NUDT2: variants seen among roughly 807,000 people sequenced by gnomAD.
The protein encoded by NUDT2 is nudix hydrolase 2.
A neutral mutation model predicts 14.2 loss-of-function variants in NUDT2; 12 were observed. The observed-to-expected ratio is 0.84, with a 90% CI of 0.54 to 1.37. The LOEUF is 1.37. Among genes scored for constraint, NUDT2 ranks in the 40% most tolerant of loss-of-function variants. The probability of loss-of-function intolerance (pLI) is 0.00; values close to 1 mark genes in which losing one functional copy is unlikely to be tolerated. For synonymous variants in NUDT2, 67 were observed against 67.4 expected (o/e 0.99, Z 0.03); for missense variants, 167 against 176.7 (o/e 0.95, Z 0.31).
intron 2 of NUDT2, among the ~76,000 whole-genome samples, chr9:34,337,713 G>A (rs1838124519): frequency 6.6e-6 from 1 of 152,194 alleles, no homozygotes; most frequent in Non-Finnish European, 1.5e-5. Context: ...CAAAGGGACT[G>A]TGGAGGATAG....
chr9:34,331,964 T>G (rs923064441), intron 1 of NUDT2, among the ~76,000 whole-genome samples: 2 of 152,230 alleles, frequency 1.3e-5, no homozygotes, highest in African/African-American at 4.8e-5. Context: ...TCTCTCAGAT[T>G]CATCCCTTCC....
At chr9:34,339,280 G>C in intron 4 of NUDT2, 114 bp downstream of exon 4, 1 of 1,310,350 alleles carries the variant, frequency 7.6e-7, no homozygotes, top group South Asian at 1.4e-5. Flanking sequence ...AAAAGGGGTA[G>C]GGAAGGTAGG....
At chr9:34,339,232 G>A in intron 4 of NUDT2, 66 bp downstream of exon 4, 1 of 1,579,718 alleles carries the variant, frequency 6.3e-7, no homozygotes. Flanking sequence ...ACCCTGCCAG[G>A]CCCTCCCCAA....
At chr9:34,341,088 A>G (rs770401930) in intron 4 of NUDT2, among the ~76,000 whole-genome samples, 1 of 152,230 alleles carries the variant, frequency 6.6e-6, no homozygotes, top group Admixed American at 6.5e-5. Flanking sequence ...TTTGAGTTGT[A>G]CTGGGGAGAA....
At chr9:34,339,301 C>A in intron 4 of NUDT2, 135 bp downstream of exon 4, 1 of 1,039,792 alleles carries the variant, frequency 9.6e-7, no homozygotes, top group Non-Finnish European at 1.4e-6. Flanking sequence ...AGCTCTTGAC[C>A]CTTTCTACAT....
At chr9:34,336,749 G>A (rs573628900) in intron 2 of NUDT2, among the ~76,000 whole-genome samples, 3 of 152,008 alleles carry the variant, frequency 2.0e-5, no homozygotes, top group Admixed American at 2.0e-4. Context: ...TCACTGTGTT[G>A]TCCGGACTGG....
chr9:34,335,285 T>A lies in NUDT2; in HGVS notation c.-264-944T>A, dbSNP rs965746617. ...CAGTTTGTCTTTGTTCTCTTCCACCTCACATCCAGTTTTCTTCCCAACTGC... is the reference window on the plus strand; with the variant it reads ...CAGTTTGTCTTTGTTCTCTTCCACCACACATCCAGTTTTCTTCCCAACTGC... On this transcript the variant is annotated intron_variant, in intron 1 of 4. Transcript: ENST00000379158. 2.0e-5 allele frequency among the ~76,000 whole-genome samples: 3 copies of A among 152,222 alleles called. No individual in the cohort carries two copies. In the East Asian group the frequency reaches 5.8e-4, roughly 29 times the overall value.
chr9:34,343,483 G>T lies in NUDT2; in HGVS notation c.*43G>T. On this transcript the variant is annotated 3_prime_UTR_variant, in exon 5 of 5. Coordinates refer to ENST00000379158, the MANE Select transcript of NUDT2 (RefSeq NM_001161.5). ...CATTTGCTTCAGCAGGATCCTTGTG[G>T]GCCTTCTAAGATGAAGCCACCCTCA... 6.7e-7 allele frequency: 1 copy of T among 1,492,948 alleles called. No individual in the cohort carries two copies. The allele number at this position is 1,492,948 out of a possible 1,614,324, so 92.5% of individuals were successfully genotyped here.
chr9:34,337,725 A>C (rs72733128), intron 2 of NUDT2, among the ~76,000 whole-genome samples: 18,671 of 152,188 alleles, frequency 0.12, 1,497 homozygotes, highest in Non-Finnish European at 0.18. Context: ...GGAGGATAGC[A>C]GCTCCTGCTC....
chr9:34,336,155 T>A lies in NUDT2; in HGVS notation c.-264-74T>A, dbSNP rs189040923. ...CTAAGCTTATTTAGGGGTTCTAACA[T>A]TCCATGGGACCTGAGGCAGGAGCAA... On this transcript the variant is annotated intron_variant, in intron 1 of 4. Coordinates refer to ENST00000379158, the MANE Select transcript of NUDT2 (RefSeq NM_001161.5). 6 of 152,278 alleles carry A rather than the reference T, an allele frequency of 3.9e-5. No homozygotes were observed. In the East Asian group the frequency reaches 1.2e-3, roughly 29 times the overall value. The allele number at this position is 152,278 out of a possible 1,614,324, so 9.4% of individuals were successfully genotyped here. A position where few individuals can be genotyped will look rare whatever the true frequency, so the allele number is the denominator to read the frequency against.
At chr9:34,331,218 G>C (rs1195560029) in intron 1 of NUDT2, among the ~76,000 whole-genome samples, 1 of 152,186 alleles carries the variant, frequency 6.6e-6, no homozygotes, top group East Asian at 1.9e-4. Context: ...GTGTTGAGCA[G>C]TTTAACAGAC....
intron 4 of NUDT2, among the ~76,000 whole-genome samples, chr9:34,339,837 A>G (rs1838188530): frequency 6.6e-6 from 1 of 152,006 alleles, no homozygotes; most frequent in Non-Finnish European, 1.5e-5. Flanking sequence ...AGCCTGTCTC[A>G]AAAAAAAGAA....
At chr9:34,342,854 CAAAT>C (rs773863442) in intron 4 of NUDT2, among the ~76,000 whole-genome samples, 11 of 151,604 alleles carry the variant, frequency 7.3e-5, no homozygotes, top group East Asian at 5.8e-4. Flanking sequence ...CCATCTTTAC[CAAAT>C]AAATAAATAA....
chr9:34,331,920 G>T (rs2131851652), intron 1 of NUDT2, among the ~76,000 whole-genome samples: 1 of 152,262 alleles, frequency 6.6e-6, no homozygotes, highest in African/African-American at 2.4e-5. Flanking sequence ...CTTAGACAAT[G>T]AAATATCACT....
intron 2 of NUDT2, among the ~76,000 whole-genome samples, chr9:34,337,916 C>T (rs1308498537): frequency 2.0e-5 from 3 of 151,922 alleles, no homozygotes; most frequent in Non-Finnish European, 2.9e-5. Context: ...CGGCTCACCA[C>T]AACCGTAACC....
chr9:34,337,073 C>T (rs975757230), intron 2 of NUDT2, among the ~76,000 whole-genome samples: 3 of 147,620 alleles, frequency 2.0e-5, no homozygotes, highest in African/African-American at 7.5e-5. Flanking sequence ...CGTCTCGGCT[C>T]ACCACAACCT....
chr9:34,331,086 G>A (rs1326519689), intron 1 of NUDT2, among the ~76,000 whole-genome samples: 2 of 152,302 alleles, frequency 1.3e-5, no homozygotes, highest in Admixed American at 6.5e-5. Flanking sequence ...GGGAAAAAAG[G>A]TAATTCTTAC....
intron 4 of NUDT2, among the ~76,000 whole-genome samples, chr9:34,341,779 G>T (rs1820191919): frequency 6.6e-6 from 1 of 152,170 alleles, no homozygotes; most frequent in Non-Finnish European, 1.5e-5. Context: ...CAGAGTGTTG[G>T]GATTACAGGC....
chr9:34,339,845 GAAAATCCT>G (rs1361393375), intron 4 of NUDT2, among the ~76,000 whole-genome samples: 1 of 152,060 alleles, frequency 6.6e-6, no homozygotes, highest in East Asian at 1.9e-4. Flanking sequence ...TCAAAAAAAA[GAAAATCCT>G]AAGTTTTCTT....
Sources: allele counts gnomAD v4.1 joint callset (sites outside exome capture counted in the v4.1 genomes callset), GRCh38; gene constraint gnomAD v4.1.1; transcripts MANE v1.5; gene names NCBI Gene and HGNC (gene_info 2026-07-23, HGNC 2026-07-21).